VPS35L: variants seen among roughly 807,000 people sequenced by gnomAD.
VPS35L encodes VPS35 endosomal protein sorting factor like.
Under a neutral mutation model 133.0 loss-of-function variants are expected in VPS35L, and 83 were observed. That is an observed-to-expected ratio of 0.62 (90% confidence interval 0.52 to 0.75). The LOEUF (loss-of-function observed/expected upper bound fraction) is 0.75, where lower values mean the gene tolerates loss of function less well. Ranked by LOEUF, VPS35L falls within the 30% of genes least tolerant of loss-of-function variation. The probability of loss-of-function intolerance (pLI) is 0.00; values close to 1 mark genes in which losing one functional copy is unlikely to be tolerated. For synonymous variants in VPS35L, 423 were observed against 449.9 expected, an observed-to-expected ratio of 0.94 and a Z score of 0.76; for missense variants, 1,083 against 1,206.8, an observed-to-expected ratio of 0.90 and a Z score of 1.52.
intron 27 of VPS35L, among the ~76,000 whole-genome samples, chr16:19,674,184 CTTTT>C (rs201038834): frequency 1.3e-4 from 9 of 70,900 alleles, no homozygotes; most frequent in Admixed American, 4.5e-4. Context: ...TTTTCTTTTT[CTTTT>C]TTTTTTTTTT....
intron 30 of VPS35L, among the ~76,000 whole-genome samples, chr16:19,700,047 T>C (rs937534458): frequency 2.0e-5 from 3 of 152,156 alleles, no homozygotes; most frequent in Admixed American, 1.3e-4. Context: ...CAGTGAGCTA[T>C]GATCACACCG....
intron 27 of VPS35L, among the ~76,000 whole-genome samples, chr16:19,674,136 A>G (rs1203839231): frequency 6.6e-6 from 1 of 150,518 alleles, no homozygotes; most frequent in East Asian, 1.9e-4. Context: ...TCTAGCATTA[A>G]CAAGACTCCC....
intron 2 of VPS35L, 155 bp from the exon 3 acceptor site, chr16:19,569,269 G>A: frequency 1.2e-6 from 1 of 834,016 alleles, no homozygotes; most frequent in South Asian, 1.4e-5. Context: ...ATGTCCATTT[G>A]TCACAAAAAC....
Position 19,700,564 on chromosome 16 carries a change from G to A in VPS35L, c.*88G>A, listed in dbSNP as rs1253363458. 12 of 1,143,008 alleles carry A rather than the reference G, an allele frequency of 1.0e-5. No individual in the cohort carries two copies. Among genetic ancestry groups the A allele is most frequent in the Non-Finnish European group, 1.5e-5 (12 of 778,022 alleles). The allele number at this position is 1,143,008 out of a possible 1,614,324, so 70.8% of individuals were successfully genotyped here. The stretch of plus-strand genomic sequence containing the variant: ...GCCCTGAACTCTTACGGCAATTTAG[G>A]TTTCTCATTTTTCTTTTCTTTTTAC... On this transcript the variant is annotated 3_prime_UTR_variant, in exon 31 of 31. Transcript: ENST00000417362.
chr16:19,658,736 C>G (rs1974387496), intron 26 of VPS35L, among the ~76,000 whole-genome samples: 1 of 151,204 alleles, frequency 6.6e-6, no homozygotes, highest in African/African-American at 2.4e-5. Flanking sequence ...CAGGGAATAT[C>G]TTGTTATTAT....
chr16:19,572,642 G>C (rs1479529967), intron 3 of VPS35L, among the ~76,000 whole-genome samples: 2 of 152,062 alleles, frequency 1.3e-5, no homozygotes, highest in Non-Finnish European at 2.9e-5. Flanking sequence ...TAATGAGTTT[G>C]AGCATTTTTT....
intron 8 of VPS35L, among the ~76,000 whole-genome samples, chr16:19,599,104 G>A (rs1972303343): frequency 6.6e-6 from 1 of 152,222 alleles, no homozygotes; most frequent in Non-Finnish European, 1.5e-5. Flanking sequence ...GAGGAAAAAG[G>A]CAGGTGGCTT....
At chr16:19,692,215 G>A (rs966498725) in intron 29 of VPS35L, among the ~76,000 whole-genome samples, 1 of 152,056 alleles carries the variant, frequency 6.6e-6, no homozygotes, top group Non-Finnish European at 1.5e-5. Context: ...GTGTCTGAAT[G>A]ACAAGACAGG....
intron 3 of VPS35L, among the ~76,000 whole-genome samples, chr16:19,570,579 C>T (rs1035655273): frequency 2.6e-5 from 4 of 151,696 alleles, no homozygotes; most frequent in African/African-American, 7.3e-5. Flanking sequence ...TAGATACTTG[C>T]GATAGCAGTT....
At position 19,678,790 on chromosome 16, in the gene VPS35L, T is replaced by TA. The variant is rs933749095; in HGVS notation, c.2362-3423dup. Among the ~76,000 whole-genome samples the TA allele has an allele frequency of 2.2e-3, 319 of 145,518 alleles. 4 individuals carry two copies. The highest frequency in any genetic ancestry group is 2.9e-3 in the Non-Finnish European group (192 of 65,796). Reference sequence around the variant, plus strand: ...ACCACACCCAGCCCATCAGTACAATTAAAAAAAAAAAAGTTACAACCACTG... The same window carrying TA: ...ACCACACCCAGCCCATCAGTACAATTAAAAAAAAAAAAAGTTACAACCACTG... On this transcript the variant is annotated intron_variant, in intron 27 of 30. Coordinates refer to ENST00000417362, the MANE Select transcript of VPS35L (RefSeq NM_020314.7).
At chr16:19,673,830 C>T (rs1388597854) in intron 27 of VPS35L, among the ~76,000 whole-genome samples, 1 of 152,144 alleles carries the variant, frequency 6.6e-6, no homozygotes, top group East Asian at 1.9e-4. Flanking sequence ...CCAGAGGGCC[C>T]TTGCAATGTG....
intron 8 of VPS35L, among the ~76,000 whole-genome samples, chr16:19,596,111 G>A (rs771297127): frequency 2.0e-5 from 3 of 152,172 alleles, no homozygotes; most frequent in Non-Finnish European, 2.9e-5. Context: ...GATGGGTCTG[G>A]TTGTTGTCCC....
At chr16:19,562,196 G>A (rs1177753233) in intron 1 of VPS35L, among the ~76,000 whole-genome samples, 2 of 152,162 alleles carry the variant, frequency 1.3e-5, no homozygotes, top group Admixed American at 1.3e-4. Flanking sequence ...TGCAATAGGG[G>A]ACAGAGATTG....
chr16:19,595,379 A>G (rs1972179812), intron 8 of VPS35L, among the ~76,000 whole-genome samples: 1 of 152,024 alleles, frequency 6.6e-6, no homozygotes, highest in Non-Finnish European at 1.5e-5. Flanking sequence ...CTCAGGTTAG[A>G]TGTCAAATCA....
chr16:19,659,382 T>C (rs917773889), intron 26 of VPS35L, among the ~76,000 whole-genome samples: 9 of 152,170 alleles, frequency 5.9e-5, no homozygotes, highest in African/African-American at 1.9e-4. Context: ...CTGATGGTAC[T>C]ACCGAAGCTA....
At chr16:19,575,217 G>A in intron 5 of VPS35L, 95 bp downstream of exon 5, 1 of 1,159,762 alleles carries the variant, frequency 8.6e-7, no homozygotes, top group Admixed American at 1.9e-5. Flanking sequence ...ATATGATTCT[G>A]ATGTTTGATT....
intron 24 of VPS35L, among the ~76,000 whole-genome samples, chr16:19,648,833 ACT>A (rs1240142272): frequency 1.4e-5 from 2 of 142,312 alleles, no homozygotes; most frequent in African/African-American, 5.3e-5. Flanking sequence ...GCGCCACTGC[ACT>A]CTACACTCTA....
intron 26 of VPS35L, among the ~76,000 whole-genome samples, chr16:19,655,807 GTC>G (rs1207935083): frequency 1.3e-5 from 2 of 152,194 alleles, no homozygotes; most frequent in Non-Finnish European, 2.9e-5. Context: ...GCCTAGCAAT[GTC>G]TCTCTTTTCT....
intron 16 of VPS35L, among the ~76,000 whole-genome samples, chr16:19,628,163 G>A (rs959737762): frequency 2.6e-5 from 4 of 152,008 alleles, no homozygotes; most frequent in African/African-American, 7.2e-5. Flanking sequence ...CCAGGAGTTC[G>A]AGACCAGCCT....
Sources: allele counts gnomAD v4.1 joint callset (sites outside exome capture counted in the v4.1 genomes callset), GRCh38; gene constraint gnomAD v4.1.1; transcripts MANE v1.5; gene names NCBI Gene and HGNC (gene_info 2026-07-23, HGNC 2026-07-21).